CNGB3: variants seen among roughly 807,000 people sequenced by gnomAD.
CNGB3 encodes cyclic nucleotide-gated channel beta-3.
A neutral mutation model predicts 92.8 loss-of-function variants in CNGB3; 86 were observed. The ratio of observed to expected loss-of-function variants is 0.93; its 90% confidence interval spans 0.78 to 1.11. The LOEUF is 1.11. Ranked by LOEUF, CNGB3 falls within the 50% of genes least tolerant of loss-of-function variation. The pLI is 0.00. For missense variants in CNGB3, 1,026 were observed against 956.8 expected (o/e 1.07, Z -0.95); for synonymous variants, 333 against 332.7 (o/e 1.00, Z -0.01).
intron 3 of CNGB3, among the ~76,000 whole-genome samples, chr8:86,679,299 G>A (rs964409032): frequency 1.3e-5 from 2 of 151,922 alleles, no homozygotes; most frequent in African/African-American, 4.8e-5. Flanking sequence ...TTCCTTATTA[G>A]TTTGTTTATT....
At chr8:86,643,717 A>G in intron 10 of CNGB3, 34 bp downstream of exon 10, 1 of 1,598,290 alleles carries the variant, frequency 6.3e-7, no homozygotes. Context: ...GTTAAAAATA[A>G]TCAATAAAGG....
At chr8:86,615,618 T>C (rs7824752) in intron 13 of CNGB3, among the ~76,000 whole-genome samples, 1,642 of 151,890 alleles carry the variant, frequency 0.011, 17 homozygotes, top group African/African-American at 0.038. Flanking sequence ...AATAAATTAA[T>C]TGACTAAAAA....
chr8:86,682,957 C>T (rs1185300286), intron 3 of CNGB3, among the ~76,000 whole-genome samples: 2 of 152,164 alleles, frequency 1.3e-5, no homozygotes, highest in Non-Finnish European at 1.5e-5. Context: ...GAGCACCAGG[C>T]TCCCAGTTTT....
intron 3 of CNGB3, among the ~76,000 whole-genome samples, chr8:86,693,246 C>G (rs1824353393): frequency 6.6e-6 from 1 of 152,008 alleles, no homozygotes; most frequent in Non-Finnish European, 1.5e-5. Context: ...GGGTGTTCTT[C>G]TAGCTTCTTA....
At chr8:86,742,545 C>T (rs1236194896) in intron 1 of CNGB3, among the ~76,000 whole-genome samples, 1 of 152,126 alleles carries the variant, frequency 6.6e-6, no homozygotes, top group Non-Finnish European at 1.5e-5. Context: ...CTCCCCTAGT[C>T]CCTGAGGAGC....
chr8:86,656,650 T>C (rs1291105539), intron 6 of CNGB3, among the ~76,000 whole-genome samples: 1 of 152,194 alleles, frequency 6.6e-6, no homozygotes, highest in African/African-American at 2.4e-5. Flanking sequence ...CCTTTTCCAA[T>C]AGATAGCTTT....
chr8:86,592,918 T>C (rs1822078664), intron 15 of CNGB3, among the ~76,000 whole-genome samples: 1 of 152,232 alleles, frequency 6.6e-6, no homozygotes. Context: ...CTTGCAACTT[T>C]AAAACTTGAC....
intron 3 of CNGB3, among the ~76,000 whole-genome samples, chr8:86,708,813 C>T (rs71525064): frequency 6.6e-6 from 1 of 152,042 alleles, no homozygotes; most frequent in African/African-American, 2.4e-5. Flanking sequence ...TTAAGTGATC[C>T]TCTTGCCTTG....
At chr8:86,646,813 C>T (rs1376210595) in intron 8 of CNGB3, among the ~76,000 whole-genome samples, 1 of 151,064 alleles carries the variant, frequency 6.6e-6, no homozygotes, top group South Asian at 2.1e-4. Flanking sequence ...TCCTCAAATT[C>T]TTTTTAGGTA....
intron 3 of CNGB3, among the ~76,000 whole-genome samples, chr8:86,685,689 T>C (rs1021485891): frequency 6.6e-6 from 1 of 151,928 alleles, no homozygotes; most frequent in African/African-American, 2.4e-5. Flanking sequence ...TGCAGATAGG[T>C]GATAGAAGGT....
At chr8:86,661,400 A>C in intron 6 of CNGB3, 1 of 447,166 alleles carries the variant, frequency 2.2e-6, no homozygotes, top group South Asian at 1.9e-5. Context: ...TCTATCAGGA[A>C]GAGGACAAAA....
Position 86,575,934 on chromosome 8 carries a change from G to A in CNGB3, c.2300C>T (p.Pro767Leu). 6.2e-7 allele frequency: 1 copy of A among 1,613,844 alleles called. No individual in the cohort carries two copies. The highest frequency in any genetic ancestry group is 8.5e-7 in the Non-Finnish European group (1 of 1,179,878). The change falls in exon 18 of 18, where the codon CCC (proline) becomes CTC (leucine). Residue 767 changes from proline to leucine, a missense_variant. Physicochemically the swap from Pro to Leu is moderately conservative, Grantham distance 98 (BLOSUM62 -3). Transcript: ENST00000320005. ...TAAAACTGTCCTTCTAACTGAGTGGGGTTCTTCCTCCACTGCAATAGGACT... is the reference window on the plus strand; with the variant it reads ...TAAAACTGTCCTTCTAACTGAGTGGAGTTCTTCCTCCACTGCAATAGGACT... The part of the protein sequence containing the change: ...TASPIAVEEE[P>L]HSVRRTVLPR...
At chr8:86,642,901 TC>T (rs1438552357) in intron 10 of CNGB3, among the ~76,000 whole-genome samples, 1 of 151,568 alleles carries the variant, frequency 6.6e-6, no homozygotes, top group Non-Finnish European at 1.5e-5. Flanking sequence ...TATAGCTGAC[TC>T]ATAAACCCAT....
chr8:86,742,664 C>A (rs1013394739), intron 1 of CNGB3, among the ~76,000 whole-genome samples: 6 of 152,036 alleles, frequency 3.9e-5, no homozygotes, highest in Non-Finnish European at 7.4e-5. Flanking sequence ...GAGTAATTCA[C>A]GAAAATTATT....
chr8:86,708,132 G>T (rs1278754986), intron 3 of CNGB3: 2 of 152,212 alleles, frequency 1.3e-5, no homozygotes, highest in African/African-American at 4.8e-5. Flanking sequence ...ATAAATTTGG[G>T]AACCATCAGG....
chr8:86,703,425 CAA>C (rs1293032716), intron 3 of CNGB3, among the ~76,000 whole-genome samples: 8 of 152,260 alleles, frequency 5.3e-5, no homozygotes, highest in African/African-American at 1.9e-4. Context: ...TGGGTGCACA[CAA>C]TATAATTCTT....
intron 15 of CNGB3, among the ~76,000 whole-genome samples, chr8:86,600,116 A>G (rs1224510707): frequency 6.6e-6 from 1 of 152,198 alleles, no homozygotes; most frequent in Non-Finnish European, 1.5e-5. Context: ...ACCTACATGA[A>G]ATATCGGGGG....
intron 3 of CNGB3, among the ~76,000 whole-genome samples, chr8:86,711,692 G>T (rs923846839): frequency 1.3e-5 from 2 of 151,964 alleles, no homozygotes. Flanking sequence ...CCACCTACCT[G>T]TAAAGCACTC....
At chr8:86,696,108 T>C (rs1354607218) in intron 3 of CNGB3, among the ~76,000 whole-genome samples, 1 of 152,196 alleles carries the variant, frequency 6.6e-6, no homozygotes, top group Non-Finnish European at 1.5e-5. Flanking sequence ...TTTGGTGTGC[T>C]GGTTTTCTTG....
Sources: allele counts gnomAD v4.1 joint callset (sites outside exome capture counted in the v4.1 genomes callset), GRCh38; gene constraint gnomAD v4.1.1; transcripts MANE v1.5; gene names NCBI Gene and HGNC (gene_info 2026-07-23, HGNC 2026-07-21).